ZSCAN5A: variants seen among roughly 807,000 people sequenced by gnomAD.
ZSCAN5A encodes the protein zinc finger and SCAN domain containing 5A, also known as zinc finger and SCAN domain-containing protein 5A.
A neutral mutation model predicts 23.7 loss-of-function variants in ZSCAN5A; 12 were observed. That is an observed-to-expected ratio of 0.51 (90% CI 0.32 to 0.82). The LOEUF is 0.82. Ranked by LOEUF, ZSCAN5A falls within the 40% of genes least tolerant of loss-of-function variation. The pLI, the probability that ZSCAN5A is intolerant of heterozygous loss-of-function variation, is 0.03. For missense variants in ZSCAN5A, 597 were observed against 617.9 expected (o/e 0.97, Z 0.36); for synonymous variants, 257 against 239.9 (o/e 1.07, Z -0.66).
intron 2 of ZSCAN5A, among the ~76,000 whole-genome samples, chr19:56,329,510 A>T (rs2041470326): frequency 6.6e-6 from 1 of 152,066 alleles, no homozygotes; most frequent in South Asian, 2.1e-4. Context: ...TCTATATTCA[A>T]TAGTCTATGT....
chr19:56,368,130 T>C (rs997507052), intron 1 of ZSCAN5A: 1 of 152,370 alleles, frequency 6.6e-6, no homozygotes, highest in Non-Finnish European at 1.5e-5. Flanking sequence ...AACTCACGCC[T>C]ACGTACTCAG....
intron 2 of ZSCAN5A, among the ~76,000 whole-genome samples, chr19:56,268,208 TG>T (rs2037606795): frequency 6.6e-6 from 1 of 152,140 alleles, no homozygotes; most frequent in African/African-American, 2.4e-5. Flanking sequence ...TGGGACTCCT[TG>T]GGGGTTGGGA....
Position 56,291,141 on chromosome 19 carries a change from G to GC in ZSCAN5A, c.-128+22141dup, listed in dbSNP as rs550769502. Among the ~76,000 whole-genome samples, 40 of 152,298 alleles carry GC rather than the reference G, an allele frequency of 2.6e-4. 2 individuals carry two copies. In the South Asian group the frequency reaches 7.5e-3, roughly 28 times the overall value. ...ACGTCCCCGAGCTCACAGGACCGTTGCCCCAGAAGACAAGAAAGCATTGAG... is the reference window on the plus strand; with the variant it reads ...ACGTCCCCGAGCTCACAGGACCGTTGCCCCCAGAAGACAAGAAAGCATTGAG... On this transcript the variant is annotated intron_variant, in intron 2 of 5. Coordinates refer to ENST00000683990, the MANE Select transcript of ZSCAN5A (RefSeq NM_001322064.3).
chr19:56,262,397 G>A (rs530905155), intron 2 of ZSCAN5A, among the ~76,000 whole-genome samples: 1 of 151,414 alleles, frequency 6.6e-6, no homozygotes, highest in East Asian at 2.0e-4. Context: ...ACAGTATGCA[G>A]TCTCGTTTCT....
At chr19:56,354,886 G>T (rs879516160) in intron 2 of ZSCAN5A, among the ~76,000 whole-genome samples, 5 of 152,162 alleles carry the variant, frequency 3.3e-5, no homozygotes, top group Admixed American at 3.3e-4. Flanking sequence ...AGAAAATCTT[G>T]TTCCAATCTA....
chr19:56,353,482 T>C (rs1392957586), intron 2 of ZSCAN5A, among the ~76,000 whole-genome samples: 2 of 152,076 alleles, frequency 1.3e-5, no homozygotes, highest in East Asian at 1.9e-4. Context: ...TTTAAAATGA[T>C]ATTGAGGCCG....
chr19:56,256,596 C>T (rs1030189426), intron 2 of ZSCAN5A, among the ~76,000 whole-genome samples: 1 of 152,144 alleles, frequency 6.6e-6, no homozygotes, highest in Admixed American at 6.5e-5. Flanking sequence ...TACACATATC[C>T]ACAGACACGT....
chr19:56,273,937 G>A (rs1212408584), intron 2 of ZSCAN5A, among the ~76,000 whole-genome samples: 9 of 152,116 alleles, frequency 5.9e-5, no homozygotes, highest in Non-Finnish European at 1.3e-4. Flanking sequence ...GGATTAGGTG[G>A]GAATCAGATT....
chr19:56,260,228 T>G (rs2037024427), intron 2 of ZSCAN5A, among the ~76,000 whole-genome samples: 1 of 150,576 alleles, frequency 6.6e-6, no homozygotes, highest in African/African-American at 2.4e-5. Flanking sequence ...TTTTTTTTTT[T>G]TTTTGGAGAC....
At chr19:56,338,337 C>T (rs2041560883) in intron 2 of ZSCAN5A, 1 of 152,166 alleles carries the variant, frequency 6.6e-6, no homozygotes, top group South Asian at 2.1e-4. Flanking sequence ...CTGTTCCTTT[C>T]TGGGTGAAGG....
At chr19:56,277,049 CACTA>C (rs1431920973) in intron 2 of ZSCAN5A, among the ~76,000 whole-genome samples, 8 of 152,206 alleles carry the variant, frequency 5.3e-5, no homozygotes, top group African/African-American at 2.4e-5. Flanking sequence ...TATCACTTCA[CACTA>C]ACTAACGTGG....
intron 2 of ZSCAN5A, chr19:56,228,442 G>A (rs1419413150): frequency 1.0e-6 from 1 of 985,254 alleles, no homozygotes; most frequent in Non-Finnish European, 1.2e-6. Flanking sequence ...GGTTCCCACT[G>A]AAACCCCACC....
At chr19:56,234,549 G>A (rs2034722705) in intron 2 of ZSCAN5A, among the ~76,000 whole-genome samples, 1 of 151,210 alleles carries the variant, frequency 6.6e-6, no homozygotes, top group Non-Finnish European at 1.5e-5. Context: ...CCGGCGCCAG[G>A]CCCGAAACCA....
intron 2 of ZSCAN5A, among the ~76,000 whole-genome samples, chr19:56,362,959 C>A (rs1277306199): frequency 6.6e-6 from 1 of 151,678 alleles, no homozygotes; most frequent in Non-Finnish European, 1.5e-5. Context: ...TTTTAGTAAT[C>A]CAAACATATT....
At chr19:56,320,836 C>A in intron 2 of ZSCAN5A, 1 of 778,876 alleles carries the variant, frequency 1.3e-6, no homozygotes, top group Non-Finnish European at 2.4e-6. Context: ...GATGCTGTGC[C>A]CCCTCGCTTT....
chr19:56,249,014 C>A (rs2036157320), intron 2 of ZSCAN5A, among the ~76,000 whole-genome samples: 2 of 152,102 alleles, frequency 1.3e-5, no homozygotes, highest in Admixed American at 1.3e-4. Flanking sequence ...TTCACTGCCC[C>A]CCCCGAATCC....
chr19:56,244,121 G>C lies in ZSCAN5A; in HGVS notation c.-127-18948C>G, dbSNP rs369946322. On this transcript the variant is annotated intron_variant, in intron 2 of 5. Transcript: ENST00000683990. ...TGAGTCAGAGCCGCCACAGTCTGTG[G>C]CTTCCCCAGAAACTCAACTTGGAAA... 1,334 of 1,567,638 alleles carry C rather than the reference G, an allele frequency of 8.5e-4. 12 individuals carry two copies. Among genetic ancestry groups the C allele is most frequent in the South Asian group, 5.4e-3 (480 of 89,578 alleles).
chr19:56,234,531 C>T (rs2034720796), intron 2 of ZSCAN5A, among the ~76,000 whole-genome samples: 1 of 152,118 alleles, frequency 6.6e-6, no homozygotes, highest in Admixed American at 6.5e-5. Flanking sequence ...AAACCAAAGA[C>T]AGGCAGCCCG....
At chr19:56,325,649 G>GACA (rs1409862877) in intron 2 of ZSCAN5A, among the ~76,000 whole-genome samples, 1 of 151,710 alleles carries the variant, frequency 6.6e-6, no homozygotes, top group Non-Finnish European at 1.5e-5. Flanking sequence ...ACCAGAAGTA[G>GACA]ACACTTAAAA....
Sources: allele counts gnomAD v4.1 joint callset (sites outside exome capture counted in the v4.1 genomes callset), GRCh38; gene constraint gnomAD v4.1.1; transcripts MANE v1.5; gene names NCBI Gene and HGNC (gene_info 2026-07-23, HGNC 2026-07-21).